Variants in STN1 observed in about 807,000 individuals in gnomAD.
The protein encoded by STN1 is STN1 subunit of CST complex.
STN1 carries 29 observed loss-of-function variants against 45.5 expected under a neutral mutation model. That is an observed-to-expected ratio of 0.64 (90% CI 0.47 to 0.87). STN1 has a LOEUF of 0.87. Among genes scored for constraint, STN1 ranks in the 40% least tolerant of loss-of-function variants. STN1 has a pLI of 0.00. For missense variants in STN1, 376 were observed against 441.4 expected (o/e 0.85, Z 1.33); for synonymous variants, 148 against 159.0 (o/e 0.93, Z 0.52).
intron 5 of STN1, among the ~76,000 whole-genome samples, chr10:103,899,434 G>A (rs1843192380): frequency 6.6e-6 from 1 of 152,208 alleles, no homozygotes; most frequent in Non-Finnish European, 1.5e-5. Flanking sequence ...GTGGCACACG[G>A]CTGTAATCCC....
At chr10:103,886,383 T>C (rs1226860735) in intron 9 of STN1, among the ~76,000 whole-genome samples, 1 of 148,832 alleles carries the variant, frequency 6.7e-6, no homozygotes, top group African/African-American at 2.5e-5. Flanking sequence ...TCGGTGTTTA[T>C]TGTACCAGTC....
intron 5 of STN1, among the ~76,000 whole-genome samples, chr10:103,899,723 T>C (rs1843194610): frequency 6.6e-6 from 1 of 152,080 alleles, no homozygotes; most frequent in Admixed American, 6.5e-5. Context: ...ATAAAGAAAT[T>C]TCCATTATTT....
chr10:103,891,251 T>A (rs1488738517), intron 8 of STN1, among the ~76,000 whole-genome samples: 2 of 152,174 alleles, frequency 1.3e-5, no homozygotes, highest in African/African-American at 2.4e-5. Context: ...CAAAAAGGAA[T>A]GTCTAAAAAA....
intron 8 of STN1, 128 bp downstream of exon 8, chr10:103,892,002 A>G: frequency 1.3e-6 from 1 of 785,712 alleles, no homozygotes; most frequent in South Asian, 2.2e-5. Flanking sequence ...GATAAGGGCC[A>G]ACTTTCACTT....
At chr10:103,916,974 CA>C (rs1843336626) in intron 2 of STN1, among the ~76,000 whole-genome samples, 1 of 151,948 alleles carries the variant, frequency 6.6e-6, no homozygotes, top group Non-Finnish European at 1.5e-5. Flanking sequence ...CTGCTTAATT[CA>C]AAAGAAAACA....
intron 3 of STN1, among the ~76,000 whole-genome samples, chr10:103,909,687 T>C (rs570525921): frequency 5.7e-4 from 86 of 151,942 alleles, no homozygotes; most frequent in Non-Finnish European, 1.1e-3. Context: ...TTATCAATCA[T>C]GCAGGGACTG....
At chr10:103,917,258 TA>T (rs5787502) in intron 2 of STN1, among the ~76,000 whole-genome samples, 49,155 of 90,638 alleles carry the variant, frequency 0.54, 12,003 homozygotes, top group East Asian at 0.67. Context: ...AAACACCTAC[TA>T]AAAAAAAAAA....
intron 3 of STN1, among the ~76,000 whole-genome samples, chr10:103,909,601 T>C (rs1564635274): frequency 6.7e-6 from 1 of 150,326 alleles, no homozygotes. Flanking sequence ...ACATGTTATT[T>C]TATTAAAAGC....
At chr10:103,911,102 G>T (rs1290749083) in intron 2 of STN1, among the ~76,000 whole-genome samples, 1 of 148,802 alleles carries the variant, frequency 6.7e-6, no homozygotes, top group Admixed American at 6.7e-5. Context: ...AAAAAAAACA[G>T]TAAGTAGGTT....
chr10:103,890,570 G>C (rs906025842), intron 8 of STN1, among the ~76,000 whole-genome samples: 1 of 152,322 alleles, frequency 6.6e-6, no homozygotes, highest in Non-Finnish European at 1.5e-5. Flanking sequence ...GTGTGTCCCA[G>C]AGCAGGGCTC....
At chr10:103,892,447 C>A (rs982167325) in intron 7 of STN1, among the ~76,000 whole-genome samples, 195 bp from the exon 8 acceptor site, 3 of 151,702 alleles carry the variant, frequency 2.0e-5, no homozygotes, top group Non-Finnish European at 4.4e-5. Context: ...GGCAGGTCAC[C>A]TTTCATAACT....
Position 103,897,590 on chromosome 10 carries a change from G to C in STN1, c.711C>G (p.Ser237=). 1 of 1,614,132 alleles carries C rather than the reference G, an allele frequency of 6.2e-7. No homozygotes were observed. The highest frequency in any genetic ancestry group is 8.5e-7 in the Non-Finnish European group (1 of 1,179,994). ...QELEMVESLL[S]LANQPVIHSA... The stretch of plus-strand genomic sequence containing the variant: ...TGTGAATCACAGGCTGATTGGCAAG[G>C]GACAGCAAAGACTCCACCATTTCCA... The change falls in exon 7 of 10, where the codon TCC becomes TCG. Residue 237 remains serine, a synonymous_variant. Transcript: ENST00000224950.
intron 8 of STN1, among the ~76,000 whole-genome samples, chr10:103,890,138 G>A (rs892497940): frequency 3.3e-5 from 5 of 152,184 alleles, no homozygotes; most frequent in African/African-American, 9.7e-5. Context: ...GAAAAAGAGA[G>A]AGGAAGAAAG....
At chr10:103,912,513 T>C (rs1291346652) in intron 2 of STN1, among the ~76,000 whole-genome samples, 2 of 152,214 alleles carry the variant, frequency 1.3e-5, no homozygotes, top group Non-Finnish European at 2.9e-5. Context: ...GTGTCCTGTG[T>C]AGTCAAGGGC....
At chr10:103,902,340 A>G (rs1843215039) in intron 4 of STN1, among the ~76,000 whole-genome samples, 1 of 152,188 alleles carries the variant, frequency 6.6e-6, no homozygotes, top group East Asian at 1.9e-4. Flanking sequence ...GTATTTATAA[A>G]TCTCATTGTC....
chr10:103,891,876 A>T (rs1843141682), intron 8 of STN1, among the ~76,000 whole-genome samples: 1 of 152,204 alleles, frequency 6.6e-6, no homozygotes. Flanking sequence ...ATCTGCAAAT[A>T]CTGTACTTTC....
intron 8 of STN1, among the ~76,000 whole-genome samples, chr10:103,890,283 T>A (rs1275754164): frequency 6.6e-6 from 1 of 152,202 alleles, no homozygotes; most frequent in South Asian, 2.1e-4. Flanking sequence ...CACAAGGTTA[T>A]GACGAAGATT....
Position 103,877,965 on chromosome 10 carries a change from A to G in STN1, c.*4719T>C, listed in dbSNP as rs1843041640. ...AAGTGTAGATGTTTCCATCATGGAAAATTACAAGTTTACTTGGTTTCAGTC... is the reference window on the plus strand; with the variant it reads ...AAGTGTAGATGTTTCCATCATGGAAGATTACAAGTTTACTTGGTTTCAGTC... On this transcript the variant is annotated 3_prime_UTR_variant, in exon 10 of 10. Coordinates refer to ENST00000224950, the MANE Select transcript of STN1 (RefSeq NM_024928.5). The G allele has an allele frequency of 6.6e-6, 1 of 152,232 alleles. No homozygotes were observed. The highest frequency in any genetic ancestry group is 2.4e-5 in the African/African-American group (1 of 41,458). 9.4% of individuals were successfully genotyped at this position (152,232 alleles called of 1,614,324 possible).
intron 2 of STN1, among the ~76,000 whole-genome samples, chr10:103,915,202 A>G (rs1437652906): frequency 1.3e-5 from 2 of 152,218 alleles, no homozygotes; most frequent in African/African-American, 4.8e-5. Flanking sequence ...TCTGACCCTC[A>G]GTGTCCAGAG....
Sources: allele counts gnomAD v4.1 joint callset (sites outside exome capture counted in the v4.1 genomes callset), GRCh38; gene constraint gnomAD v4.1.1; transcripts MANE v1.5; gene names NCBI Gene and HGNC (gene_info 2026-07-23, HGNC 2026-07-21).